The following SMPX variants were observed in gnomAD, a reference collection of about 807,000 sequenced individuals.
SMPX encodes the protein small muscular protein.
A neutral mutation model predicts 6.3 loss-of-function variants in SMPX; 2 were observed. The observed-to-expected ratio is 0.32, with a 90% CI of 0.13 to 0.99. SMPX has a LOEUF of 0.99. Ranked by LOEUF, SMPX falls within the 50% of genes least tolerant of loss-of-function variation. The pLI, the probability that SMPX is intolerant of heterozygous loss-of-function variation, is 0.49. For synonymous variants in SMPX, 32 were observed against 24.7 expected (o/e 1.30, Z -0.88); for missense variants, 60 against 66.8 (o/e 0.90, Z 0.36).
chrX:21,750,498 C>T (rs928579880), intron 2 of SMPX, among the ~76,000 whole-genome samples: 1 of 112,098 alleles, frequency 8.9e-6, no homozygotes, highest in Non-Finnish European at 1.9e-5. Context: ...CCAAACGACA[C>T]GCAAAGCCTA....
At chrX:21,745,404 A>G (rs5904581) in intron 2 of SMPX, among the ~76,000 whole-genome samples, 6,280 of 111,479 alleles carry the variant, frequency 0.056, 175 homozygotes, top group Non-Finnish European at 0.09. Flanking sequence ...CATGAATTCC[A>G]AGATGCATCT....
Position 21,745,429 on chromosome X carries a change from G to C in SMPX, c.46-1593C>G, listed in dbSNP as rs1445486287. Among the ~76,000 whole-genome samples the C allele has an allele frequency of 2.7e-5, 3 of 111,463 alleles. No individual in the cohort carries two copies. In the Admixed American group the frequency reaches 2.9e-4, roughly 11 times the overall value. ...AAGATGCATCTCTTTTAATATCTCT[G>C]GTCAGAGTGTGTCTTACAACCAATA... On this transcript the variant is annotated intron_variant, in intron 2 of 4. Transcript: ENST00000379494.
At chrX:21,736,285 T>A (rs754431437) in intron 4 of SMPX, among the ~76,000 whole-genome samples, 2 of 111,740 alleles carry the variant, frequency 1.8e-5, no homozygotes, top group South Asian at 3.8e-4. Flanking sequence ...CGGGGCCCTA[T>A]CCGCCCCACT....
chrX:21,719,066 A>G lies in SMPX; in HGVS notation c.*15-12672T>C, dbSNP rs1357554419. Reference sequence around the variant, plus strand: ...TTTTAGAAACATAAGTTTTCACAGAAAAAAATTATGTGCTTCTCCTAGGAA... The same window carrying G: ...TTTTAGAAACATAAGTTTTCACAGAGAAAAATTATGTGCTTCTCCTAGGAA... On this transcript the variant is annotated intron_variant, in intron 4 of 4. Transcript: ENST00000379494. Among the ~76,000 whole-genome samples the G allele has an allele frequency of 9.8e-5, 11 of 112,149 alleles. No individual in the cohort carries two copies. The East Asian group carries it at 3.1e-3, about 31-fold the overall frequency.
intron 1 of SMPX, among the ~76,000 whole-genome samples, chrX:21,756,463 C>A (rs751258728): frequency 4.5e-5 from 5 of 112,235 alleles, no homozygotes; most frequent in African/African-American, 1.6e-4. Context: ...GCATGTCAAT[C>A]TTTGAAAGAG....
chrX:21,726,334 C>G (rs774113928), intron 4 of SMPX, among the ~76,000 whole-genome samples: 21 of 112,244 alleles, frequency 1.9e-4, no homozygotes, highest in South Asian at 1.5e-3. Flanking sequence ...TCTCAGCAGT[C>G]AGTACCAATG....
chrX:21,707,363 T>TG (rs756637295), intron 4 of SMPX, among the ~76,000 whole-genome samples: 18 of 112,278 alleles, frequency 1.6e-4, no homozygotes, highest in African/African-American at 5.5e-4. Flanking sequence ...ATTCCATGAA[T>TG]GTAAATGAAC....
intron 4 of SMPX, among the ~76,000 whole-genome samples, chrX:21,727,077 C>G (rs1360308317): frequency 1.8e-5 from 2 of 112,545 alleles, no homozygotes. Flanking sequence ...TCTTGTATCA[C>G]CTATTTCTAA....
At chrX:21,739,027 C>T (rs947371083) in intron 3 of SMPX, among the ~76,000 whole-genome samples, 1 of 110,975 alleles carries the variant, frequency 9.0e-6, no homozygotes, top group Non-Finnish European at 1.9e-5. Flanking sequence ...ATACAGTTCC[C>T]GGGAAAAGAA....
chrX:21,716,911 T>C (rs2092785784), intron 4 of SMPX, among the ~76,000 whole-genome samples: 1 of 112,356 alleles, frequency 8.9e-6, no homozygotes, highest in Non-Finnish European at 1.9e-5. Context: ...TGTTTTACAA[T>C]GTAAATCTTT....
intron 2 of SMPX, among the ~76,000 whole-genome samples, chrX:21,750,895 ATAGAT>A: frequency 8.9e-6 from 1 of 112,233 alleles, no homozygotes; most frequent in South Asian, 3.7e-4. Context: ...TTTGTATACT[ATAGAT>A]TATTTTGTCT....
chrX:21,752,613 G>A (rs913704911), intron 2 of SMPX, among the ~76,000 whole-genome samples: 3 of 110,663 alleles, frequency 2.7e-5, no homozygotes, highest in Non-Finnish European at 1.9e-5. Context: ...CGCCTCCCAG[G>A]TTCAAGCGAT....
intron 4 of SMPX, among the ~76,000 whole-genome samples, chrX:21,736,827 G>T (rs970291772): frequency 9.0e-6 from 1 of 111,324 alleles, no homozygotes; most frequent in Non-Finnish European, 1.9e-5. Flanking sequence ...AAAGAGTGAA[G>T]ACTTGGGCCA....
chrX:21,746,943 A>C (rs972227674), intron 2 of SMPX, among the ~76,000 whole-genome samples: 10 of 111,444 alleles, frequency 9.0e-5, no homozygotes, highest in Non-Finnish European at 1.5e-4. Flanking sequence ...TTTTTATTCC[A>C]TTGGCCAGAA....
In SMPX at chrX:21,710,921, G is replaced by A. The variant is rs149773440; in HGVS notation, c.*15-4527C>T. Among the ~76,000 whole-genome samples, 15 of 112,098 alleles carry A rather than the reference G, an allele frequency of 1.3e-4. No individual in the cohort carries two copies. In the East Asian group the frequency reaches 3.6e-3, roughly 27 times the overall value. On this transcript the variant is annotated intron_variant, in intron 4 of 4. Transcript: ENST00000379494. ...TGATTCTTCTTTGCAGAAGGAGCCA[G>A]GCATGAGGTGGCAGATGAAGCAGGA...
intron 4 of SMPX, among the ~76,000 whole-genome samples, chrX:21,724,477 T>C (rs2092794959): frequency 8.9e-6 from 1 of 112,525 alleles, no homozygotes. Flanking sequence ...ATAATACATT[T>C]CCTTTGAAAT....
intron 4 of SMPX, among the ~76,000 whole-genome samples, chrX:21,715,319 C>T (rs1336262489): frequency 1.8e-5 from 2 of 108,959 alleles, no homozygotes; most frequent in African/African-American, 3.5e-5. Flanking sequence ...CACGCGCGCG[C>T]GCTCGCGCGC....
intron 2 of SMPX, among the ~76,000 whole-genome samples, chrX:21,750,767 G>A (rs1372930774): frequency 1.8e-5 from 2 of 112,025 alleles, no homozygotes; most frequent in Non-Finnish European, 3.8e-5. Context: ...TTTAAGGGTG[G>A]TTCTAGTTCT....
At chrX:21,752,807 G>A (rs755656303) in intron 2 of SMPX, among the ~76,000 whole-genome samples, 2 of 111,529 alleles carry the variant, frequency 1.8e-5, no homozygotes, top group South Asian at 3.8e-4. Flanking sequence ...ATGAACCACC[G>A]CGCCCGGCCT....
Sources: allele counts gnomAD v4.1 joint callset (sites outside exome capture counted in the v4.1 genomes callset), GRCh38; gene constraint gnomAD v4.1.1; transcripts MANE v1.5; gene names NCBI Gene and HGNC (gene_info 2026-07-23, HGNC 2026-07-21).